Variants in RANBP2 observed in about 807,000 individuals in gnomAD.
The protein encoded by RANBP2 is E3 SUMO-protein ligase RanBP2.
Under a neutral mutation model 303.6 loss-of-function variants are expected in RANBP2, and 57 were observed. The observed-to-expected ratio is 0.19, with a 90% confidence interval of 0.15 to 0.23. The LOEUF (loss-of-function observed/expected upper bound fraction) is 0.23. RANBP2 is among the 10% of genes least tolerant of loss of function. The pLI is 1.00. For missense variants in RANBP2, 3,138 were observed against 3,780.8 expected, an observed-to-expected ratio of 0.83 and a Z score of 4.46; for synonymous variants, 1,167 against 1,301.5, an observed-to-expected ratio of 0.90 and a Z score of 2.23.
the RANBP2 span, among the ~76,000 whole-genome samples, chr2:109,233,050 C>T: frequency 6.6e-6 from 1 of 152,150 alleles, no homozygotes. Flanking sequence ...TGAGTGGGTG[C>T]TGGGGCCGGA....
At chr2:109,614,582 C>G in the RANBP2 span, 3 of 1,407,336 alleles carry the variant, frequency 2.1e-6, no homozygotes, top group Non-Finnish European at 2.8e-6. Flanking sequence ...GGGCCCTGCA[C>G]GCCGAGCTGG....
chr2:109,085,164 G>A, the RANBP2 span, among the ~76,000 whole-genome samples: 1 of 152,086 alleles, frequency 6.6e-6, no homozygotes. Flanking sequence ...CGTTATGAGG[G>A]AGCTGAGCCC....
the RANBP2 span, among the ~76,000 whole-genome samples, chr2:109,043,142 C>G: frequency 1.9e-3 from 294 of 152,202 alleles, no homozygotes; most frequent in African/African-American, 6.6e-3. Context: ...TCTACAGGAG[C>G]CCTGAAACGG....
intron 20 of RANBP2, among the ~76,000 whole-genome samples, chr2:108,771,479 T>C (rs561433852): frequency 3.9e-5 from 6 of 152,294 alleles, no homozygotes; most frequent in South Asian, 2.1e-4. Context: ...TCTTTGGTTT[T>C]AAATAGATTC....
At chr2:108,941,280 T>C in the RANBP2 span, among the ~76,000 whole-genome samples, 2 of 152,200 alleles carry the variant, frequency 1.3e-5, no homozygotes, top group Admixed American at 6.5e-5. Context: ...TGGTTTTTGG[T>C]TGTTTTCTGG....
chr2:108,880,165 T>C, the RANBP2 span, among the ~76,000 whole-genome samples: 1 of 147,376 alleles, frequency 6.8e-6, no homozygotes, highest in East Asian at 2.0e-4. Context: ...GATAATAAAA[T>C]TAATAAGCTT....
the RANBP2 span, among the ~76,000 whole-genome samples, chr2:109,445,813 C>T: frequency 2.5e-4 from 38 of 151,948 alleles, no homozygotes; most frequent in African/African-American, 9.2e-4. Context: ...GGAAGCGATA[C>T]CCCTGAAAAT....
chr2:109,756,741 A>AT, the RANBP2 span, among the ~76,000 whole-genome samples: 2 of 114,516 alleles, frequency 1.7e-5, 1 homozygote, highest in Admixed American at 2.0e-4. Flanking sequence ...TGCCATGAGC[A>AT]TTCTAGAGTT....
At chr2:109,468,445 G>A in the RANBP2 span, among the ~76,000 whole-genome samples, 2 of 152,116 alleles carry the variant, frequency 1.3e-5, no homozygotes, top group South Asian at 2.1e-4. Context: ...TGACCAAAAC[G>A]TCCTTATGTA....
At chr2:109,664,943 A>G in the RANBP2 span, among the ~76,000 whole-genome samples, 10 of 152,006 alleles carry the variant, frequency 6.6e-5, no homozygotes, top group African/African-American at 1.9e-4. Context: ...AAAAAAAACC[A>G]AAACCAAAAT....
chr2:109,010,583 C>T, the RANBP2 span, among the ~76,000 whole-genome samples: 1 of 152,164 alleles, frequency 6.6e-6, no homozygotes, highest in African/African-American at 2.4e-5. Context: ...CTTGCTGTGT[C>T]TTCACGTGGT....
the RANBP2 span, chr2:108,876,030 A>G: frequency 9.1e-7 from 1 of 1,095,752 alleles, no homozygotes; most frequent in Non-Finnish European, 1.3e-6. Flanking sequence ...TGTCAGTGTC[A>G]TTGCAGATAA....
At chr2:109,690,277 C>T in the RANBP2 span, among the ~76,000 whole-genome samples, 2 of 152,104 alleles carry the variant, frequency 1.3e-5, no homozygotes, top group African/African-American at 2.4e-5. Flanking sequence ...AACGTTGGTT[C>T]GGTCTGGAAA....
the RANBP2 span, among the ~76,000 whole-genome samples, chr2:109,274,520 A>G: frequency 1.3e-5 from 2 of 152,262 alleles, no homozygotes; most frequent in African/African-American, 4.8e-5. Flanking sequence ...TGCTCAAAAA[A>G]AGCCAGCCAC....
the RANBP2 span, chr2:109,251,724 C>T: frequency 7.1e-5 from 51 of 722,122 alleles, no homozygotes; most frequent in Admixed American, 4.5e-4. Context: ...AAAATTAGGT[C>T]GTGTACATTT....
the RANBP2 span, among the ~76,000 whole-genome samples, chr2:109,299,549 G>A: frequency 1.1e-3 from 165 of 152,218 alleles, no homozygotes; most frequent in Non-Finnish European, 1.8e-3. Flanking sequence ...TGCGCTCCCA[G>A]GGGAGTCACC....
the RANBP2 span, among the ~76,000 whole-genome samples, chr2:109,326,676 T>C: frequency 1.3e-5 from 2 of 152,260 alleles, no homozygotes; most frequent in Admixed American, 6.5e-5. Flanking sequence ...AGTTAACTTA[T>C]CTTTTTCTTG....
chr2:109,480,597 C>T, the RANBP2 span, among the ~76,000 whole-genome samples: 1 of 152,114 alleles, frequency 6.6e-6, no homozygotes, highest in Non-Finnish European at 1.5e-5. Context: ...TCATCCCGAG[C>T]AGCCATGGGG....
chr2:109,413,170 A>G, the RANBP2 span, among the ~76,000 whole-genome samples: 1 of 152,228 alleles, frequency 6.6e-6, no homozygotes, highest in South Asian at 2.1e-4. Context: ...GCTGGAGTGC[A>G]GTGGCGTGAT....
Sources: allele counts gnomAD v4.1 joint callset (sites outside exome capture counted in the v4.1 genomes callset), GRCh38; gene constraint gnomAD v4.1.1; transcripts MANE v1.5; gene names NCBI Gene and HGNC (gene_info 2026-07-23, HGNC 2026-07-21).